The following B4GALT5 variants were observed in gnomAD, a reference collection of about 807,000 sequenced individuals.
B4GALT5 encodes the protein beta-1,4-galactosyltransferase 5.
B4GALT5 carries 11 observed loss-of-function variants against 45.0 expected under a neutral mutation model. The ratio of observed to expected loss-of-function variants is 0.24; its 90% CI spans 0.15 to 0.40. The LOEUF (loss-of-function observed/expected upper bound fraction) is 0.40, where lower values mean the gene tolerates loss of function less well. Ranked by LOEUF, B4GALT5 falls within the 10% of genes least tolerant of loss-of-function variation. B4GALT5 has a pLI of 1.00. For synonymous variants in B4GALT5, 185 were observed against 182.9 expected (o/e 1.01, Z -0.09); for missense variants, 337 against 500.2 (o/e 0.67, Z 3.11).
chr20:49,697,302 G>A (rs2085843273), intron 1 of B4GALT5, among the ~76,000 whole-genome samples: 1 of 152,254 alleles, frequency 6.6e-6, no homozygotes, highest in Non-Finnish European at 1.5e-5. Context: ...AAGCGCAGCG[G>A]CGCCTTTGAG....
At position 49,652,196 on chromosome 20, in the gene B4GALT5, A is replaced by G. The variant is rs142684897; in HGVS notation, c.250+4372T>C. ...TTTGGAAACGTCCTTGGGAATTCCAATGTATAGCTAAGCTTGGTATTGCTA... is the reference window on the plus strand; with the variant it reads ...TTTGGAAACGTCCTTGGGAATTCCAGTGTATAGCTAAGCTTGGTATTGCTA... On this transcript the variant is annotated intron_variant, in intron 2 of 8. Transcript: ENST00000371711. 1.2e-4 allele frequency among the ~76,000 whole-genome samples: 19 copies of G among 152,292 alleles called. No individual in the cohort carries two copies. In the East Asian group the frequency reaches 3.3e-3, roughly 26 times the overall value.
At chr20:49,702,929 T>C (rs575877459) in intron 1 of B4GALT5, among the ~76,000 whole-genome samples, 2 of 151,812 alleles carry the variant, frequency 1.3e-5, no homozygotes, top group Non-Finnish European at 2.9e-5. Flanking sequence ...ATGTCAGCAC[T>C]TTGGGAGGCT....
At chr20:49,693,691 A>C (rs1568732412) in intron 1 of B4GALT5, among the ~76,000 whole-genome samples, 1 of 152,210 alleles carries the variant, frequency 6.6e-6, no homozygotes, top group Non-Finnish European at 1.5e-5. Context: ...CCACTTTTTA[A>C]GACATTTTCC....
chr20:49,657,735 T>C (rs565740443), intron 1 of B4GALT5, among the ~76,000 whole-genome samples: 3 of 152,252 alleles, frequency 2.0e-5, no homozygotes, highest in African/African-American at 7.2e-5. Flanking sequence ...CATCTGGCCT[T>C]GGGATGTGGA....
chr20:49,653,729 G>GA (rs1185290083), intron 2 of B4GALT5, among the ~76,000 whole-genome samples: 1 of 152,222 alleles, frequency 6.6e-6, no homozygotes, highest in African/African-American at 2.4e-5. Flanking sequence ...TGATGGCACA[G>GA]ACTTCCAATC....
At chr20:49,646,823 C>T (rs546269783) in intron 3 of B4GALT5, 142 bp downstream of exon 3, 3 of 531,328 alleles carry the variant, frequency 5.6e-6, no homozygotes, top group Admixed American at 3.6e-5. Context: ...TGAAGAGGAG[C>T]CAGGAGCACA....
chr20:49,638,448 T>TATA (rs1335563690), intron 7 of B4GALT5, among the ~76,000 whole-genome samples: 3 of 152,260 alleles, frequency 2.0e-5, no homozygotes, highest in African/African-American at 7.2e-5. Context: ...GGTTACTGTT[T>TATA]ACTTACTCCA....
chr20:49,695,505 G>C (rs12106180), intron 1 of B4GALT5, among the ~76,000 whole-genome samples: 1 of 151,396 alleles, frequency 6.6e-6, no homozygotes, highest in Non-Finnish European at 1.5e-5. Flanking sequence ...TCCACCTCCC[G>C]GGTTCAAGCG....
chr20:49,702,280 A>C (rs1052725994), intron 1 of B4GALT5, among the ~76,000 whole-genome samples: 1 of 152,198 alleles, frequency 6.6e-6, no homozygotes, highest in Non-Finnish European at 1.5e-5. Context: ...AACAAAAAAA[A>C]CCATGACTCC....
intron 1 of B4GALT5, among the ~76,000 whole-genome samples, chr20:49,704,965 G>C (rs1214032317): frequency 6.6e-6 from 1 of 151,802 alleles, no homozygotes; most frequent in African/African-American, 2.4e-5. Flanking sequence ...CAATACCCAG[G>C]GTCTAATAAT....
intron 8 of B4GALT5, among the ~76,000 whole-genome samples, chr20:49,636,710 TGAG>T (rs1161173808): frequency 6.6e-6 from 1 of 152,078 alleles, no homozygotes; most frequent in Non-Finnish European, 1.5e-5. Flanking sequence ...TGCTAGCAAA[TGAG>T]GAAGCCAAGG....
chr20:49,686,105 G>A (rs763725163), intron 1 of B4GALT5, among the ~76,000 whole-genome samples: 15 of 152,146 alleles, frequency 9.9e-5, no homozygotes, highest in African/African-American at 2.7e-4. Context: ...TTGGAAAACC[G>A]GAAAATGTCC....
rs555057322 is a variant in B4GALT5 at position 49,685,874 on chromosome 20, T to C, written c.115+27702A>G. On this transcript the variant is annotated intron_variant, in intron 1 of 8. Transcript: ENST00000371711. The stretch of plus-strand genomic sequence containing the variant: ...CAGTAAGAAAAATGCATCCCCTGAA[T>C]TGAAGCTTTAGAGTATTTAAAGTGA... Among the ~76,000 whole-genome samples the C allele has an allele frequency of 2.1e-4, 32 of 152,054 alleles. No homozygotes were observed. The East Asian group carries it at 4.8e-3, about 23-fold the overall frequency.
chr20:49,689,995 T>C (rs1017058165), intron 1 of B4GALT5, among the ~76,000 whole-genome samples: 9 of 152,072 alleles, frequency 5.9e-5, no homozygotes, highest in Admixed American at 3.3e-4. Context: ...ACAAGTGTTT[T>C]TGTTGTTGTT....
intron 1 of B4GALT5, among the ~76,000 whole-genome samples, chr20:49,675,055 C>T (rs2085731876): frequency 6.6e-6 from 1 of 152,198 alleles, no homozygotes; most frequent in South Asian, 2.1e-4. Context: ...ACAACAAAAG[C>T]ATGAGCTCAG....
chr20:49,713,166 G>C (rs909167813), intron 1 of B4GALT5, among the ~76,000 whole-genome samples: 12 of 151,866 alleles, frequency 7.9e-5, no homozygotes, highest in Non-Finnish European at 1.3e-4. Flanking sequence ...CGGGGGACTG[G>C]GGTGCGGGGA....
Position 49,656,614 on chromosome 20 carries a change from C to G in B4GALT5, c.204G>C (p.Val68=), listed in dbSNP as rs764113863. Residue 68 remains valine (V), a synonymous_variant, in exon 2 of 9, where the codon GTG becomes GTC. Coordinates refer to ENST00000371711, the MANE Select transcript of B4GALT5 (RefSeq NM_004776.4). ...TCCTCTTGGCATAAGCACTCCGAAGCACCTGCTCATAAACCTGAGCACCGA... is the reference window on the plus strand; with the variant it reads ...TCCTCTTGGCATAAGCACTCCGAAGGACCTGCTCATAAACCTGAGCACCGA... ...RTIGAQVYEQ[V]LRSAYAKRNS... is the part of the protein sequence containing the mutation. The G allele has an allele frequency of 1.2e-6, 2 of 1,614,184 alleles. No homozygotes were observed. Among genetic ancestry groups the G allele is most frequent in the Non-Finnish European group, 1.7e-6 (2 of 1,180,014 alleles).
chr20:49,673,021 T>C (rs936063455), intron 1 of B4GALT5, among the ~76,000 whole-genome samples: 5 of 152,172 alleles, frequency 3.3e-5, no homozygotes, highest in African/African-American at 1.2e-4. Context: ...ACCTTCTGAG[T>C]ATTCTTGCCA....
At chr20:49,680,022 T>C (rs1242585667) in intron 1 of B4GALT5, among the ~76,000 whole-genome samples, 2 of 152,238 alleles carry the variant, frequency 1.3e-5, no homozygotes, top group African/African-American at 4.8e-5. Flanking sequence ...AAAACTATTT[T>C]GACTTGATTG....
Sources: gnomAD v4.1 joint callset for allele counts (sites outside exome capture counted in the v4.1 genomes callset) on GRCh38, gnomAD v4.1.1 for gene constraint, MANE v1.5 for transcripts, NCBI Gene and HGNC (gene_info 2026-07-23, HGNC 2026-07-21) for gene names.